SLCO3A1: variants seen among roughly 807,000 people sequenced by gnomAD.
SLCO3A1 encodes solute carrier organic anion transporter family member 3A1.
Under a neutral mutation model 63.1 loss-of-function variants are expected in SLCO3A1, and 27 were observed. The observed-to-expected ratio is 0.43, with a 90% CI of 0.32 to 0.59. The LOEUF is 0.59. SLCO3A1 is among the 20% of genes least tolerant of loss of function. The probability of loss-of-function intolerance (pLI) is 0.09; values close to 1 mark genes in which losing one functional copy is unlikely to be tolerated. For missense variants in SLCO3A1, 773 were observed against 945.8 expected, an observed-to-expected ratio of 0.82 and a Z score of 2.40; for synonymous variants, 473 against 409.9, an observed-to-expected ratio of 1.15 and a Z score of -1.86.
chr15:92,163,912 C>T lies in SLCO3A1; in HGVS notation c.*777C>T. 2 of 985,600 alleles carry T rather than the reference C, an allele frequency of 2.0e-6. No homozygotes were observed. The highest frequency in any genetic ancestry group is 2.3e-4 in the East Asian group (2 of 8,826). 61.1% of individuals were successfully genotyped at this position (985,600 alleles called of 1,614,324 possible). A position where few individuals can be genotyped will look rare whatever the true frequency, so the allele number is the denominator to read the frequency against. On this transcript the variant is annotated 3_prime_UTR_variant, in exon 10 of 10. Coordinates refer to ENST00000318445, the MANE Select transcript of SLCO3A1 (RefSeq NM_013272.4). The stretch of plus-strand genomic sequence containing the variant: ...GCGGGCATCCACCTTCCCCCAGCCC[C>T]ACAGAGTGACCTCAGGAAGCAGTAG...
intron 2 of SLCO3A1, among the ~76,000 whole-genome samples, chr15:92,024,016 T>C (rs1037034922): frequency 5.9e-5 from 9 of 152,296 alleles, no homozygotes; most frequent in African/African-American, 2.2e-4. Context: ...GGCCATGTGG[T>C]CCCTGGTTCC....
At chr15:92,085,516 G>A (rs2047394340) in intron 2 of SLCO3A1, among the ~76,000 whole-genome samples, 2 of 152,202 alleles carry the variant, frequency 1.3e-5, no homozygotes, top group African/African-American at 4.8e-5. Context: ...GCCTAGTTGG[G>A]AGTAATCCTG....
intron 7 of SLCO3A1, among the ~76,000 whole-genome samples, chr15:92,145,932 T>A (rs960018018): frequency 6.7e-6 from 1 of 148,842 alleles, no homozygotes; most frequent in African/African-American, 2.5e-5. Context: ...CCTGAAACCA[T>A]CCCATATAGC....
intron 2 of SLCO3A1, among the ~76,000 whole-genome samples, chr15:92,003,991 G>A (rs1210078300): frequency 6.6e-6 from 1 of 152,212 alleles, no homozygotes; most frequent in Non-Finnish European, 1.5e-5. Context: ...TAATCGTCCA[G>A]ATTAACTGAA....
At chr15:91,913,557 T>G (rs1196591213) in intron 1 of SLCO3A1, among the ~76,000 whole-genome samples, 1 of 151,854 alleles carries the variant, frequency 6.6e-6, no homozygotes, top group Non-Finnish European at 1.5e-5. Flanking sequence ...TATGTGGGTT[T>G]GAAAATGAGG....
intron 2 of SLCO3A1, among the ~76,000 whole-genome samples, chr15:92,009,817 A>G (rs1597216229): frequency 6.6e-6 from 1 of 152,234 alleles, no homozygotes; most frequent in Non-Finnish European, 1.5e-5. Context: ...TGTCCCACAG[A>G]TGTTTCTTTC....
chr15:91,999,733 G>A (rs1353536597), intron 2 of SLCO3A1, among the ~76,000 whole-genome samples: 6 of 152,206 alleles, frequency 3.9e-5, no homozygotes, highest in African/African-American at 1.2e-4. Flanking sequence ...GAAGGCTGCA[G>A]TGAGCTATGA....
chr15:92,019,520 T>C (rs983774657), intron 2 of SLCO3A1, among the ~76,000 whole-genome samples: 3 of 152,234 alleles, frequency 2.0e-5, no homozygotes, highest in African/African-American at 7.2e-5. Flanking sequence ...GAGCTGGTGG[T>C]GTTTAAGGTA....
At chr15:91,879,411 G>A (rs1247716349) in intron 1 of SLCO3A1, among the ~76,000 whole-genome samples, 10 of 151,904 alleles carry the variant, frequency 6.6e-5, no homozygotes, top group Admixed American at 2.6e-4. Flanking sequence ...ACATCTACAA[G>A]GACAGTATAA....
At chr15:91,903,598 T>C (rs1466902846) in intron 1 of SLCO3A1, among the ~76,000 whole-genome samples, 2 of 152,066 alleles carry the variant, frequency 1.3e-5, no homozygotes. Context: ...AAATGAGAGA[T>C]TGGTGCCTTT....
chr15:91,999,309 AAAAT>A, intron 2 of SLCO3A1, among the ~76,000 whole-genome samples: 1 of 152,340 alleles, frequency 6.6e-6, no homozygotes, highest in East Asian at 1.9e-4. Context: ...TAAAAATTAA[AAAAT>A]AAAAAGACAC....
chr15:91,970,176 C>T (rs17644083), intron 2 of SLCO3A1, among the ~76,000 whole-genome samples: 29,360 of 152,192 alleles, frequency 0.19, 3,217 homozygotes, highest in East Asian at 0.37. Flanking sequence ...CAAAACACTT[C>T]GTGAGCAAGC....
chr15:92,058,228 T>C (rs1284598462), intron 2 of SLCO3A1, among the ~76,000 whole-genome samples: 1 of 152,112 alleles, frequency 6.6e-6, no homozygotes, highest in Non-Finnish European at 1.5e-5. Flanking sequence ...GTGGAGGGTG[T>C]TTCCACAGAT....
intron 2 of SLCO3A1, among the ~76,000 whole-genome samples, chr15:91,959,292 C>T (rs190421721): frequency 2.6e-5 from 4 of 151,562 alleles, no homozygotes; most frequent in African/African-American, 9.7e-5. Flanking sequence ...GGTTGGAAGG[C>T]GGGTGAGGGA....
chr15:92,096,994 T>TC (rs2151539051), intron 3 of SLCO3A1, among the ~76,000 whole-genome samples: 1 of 152,218 alleles, frequency 6.6e-6, no homozygotes, highest in South Asian at 2.1e-4. Context: ...ACAGGCCAGC[T>TC]TCCACCACTG....
At chr15:91,952,445 C>A (rs924649084) in intron 2 of SLCO3A1, among the ~76,000 whole-genome samples, 1 of 152,218 alleles carries the variant, frequency 6.6e-6, no homozygotes, top group Admixed American at 6.5e-5. Flanking sequence ...GAGCACCTGG[C>A]ATAAAGTAGG....
At chr15:92,012,966 C>G (rs138711211) in intron 2 of SLCO3A1, among the ~76,000 whole-genome samples, 1 of 152,324 alleles carries the variant, frequency 6.6e-6, no homozygotes, top group Non-Finnish European at 1.5e-5. Flanking sequence ...GATCAAAGCT[C>G]TCACAGCCTG....
Position 92,146,924 on chromosome 15 carries a change from G to A in SLCO3A1, c.1513-60G>A, listed in dbSNP as rs79101792. 3,320 of 1,485,764 alleles carry A rather than the reference G, an allele frequency of 2.2e-3. 9 individuals are homozygous for A. Among genetic ancestry groups the A allele is most frequent in the Middle Eastern group, 3.2e-3 (18 of 5,568 alleles). The allele number at this position is 1,485,764 out of a possible 1,614,324, so 92.0% of individuals were successfully genotyped here. A position where few individuals can be genotyped will look rare whatever the true frequency, so the allele number is the denominator to read the frequency against. ...CTGTGACAGATTCAGCTGATGGATG[G>A]CTTTGCCTTTGGAAACCGGAAGTAC... On this transcript the variant is annotated intron_variant, in intron 7 of 9. Coordinates refer to ENST00000318445, the MANE Select transcript of SLCO3A1 (RefSeq NM_013272.4).
chr15:91,956,307 G>A (rs1050895496), intron 2 of SLCO3A1, among the ~76,000 whole-genome samples: 3 of 152,276 alleles, frequency 2.0e-5, no homozygotes, highest in East Asian at 1.9e-4. Context: ...GATTTGATGC[G>A]AAATGGGCTG....
Sources: gnomAD v4.1 joint callset for allele counts (sites outside exome capture counted in the v4.1 genomes callset) on GRCh38, gnomAD v4.1.1 for gene constraint, MANE v1.5 for transcripts, NCBI Gene and HGNC (gene_info 2026-07-23, HGNC 2026-07-21) for gene names.